The following NPAS3 variants were observed in gnomAD, a reference collection of about 807,000 sequenced individuals.
NPAS3 encodes neuronal PAS domain protein 3.
Under a neutral mutation model 73.1 loss-of-function variants are expected in NPAS3, and 14 were observed. That is an observed-to-expected ratio of 0.19 (90% CI 0.13 to 0.30). NPAS3 has a LOEUF of 0.30. Ranked by LOEUF, NPAS3 falls within the 10% of genes least tolerant of loss-of-function variation. The pLI, the probability that NPAS3 is intolerant of heterozygous loss-of-function variation, is 1.00. For missense variants in NPAS3, 1,096 were observed against 1,250.0 expected (o/e 0.88, Z 1.86); for synonymous variants, 620 against 541.5 (o/e 1.14, Z -2.01).
Position 33,011,377 on chromosome 14 carries a change from C to A in NPAS3, c.51-44528C>A, listed in dbSNP as rs115311077. 6.0e-4 allele frequency among the ~76,000 whole-genome samples: 92 copies of A among 152,286 alleles called. 1 individual carries two copies. The highest frequency in any genetic ancestry group is 2.2e-3 in the African/African-American group (91 of 41,558). Reference sequence around the variant, plus strand: ...GAGAGGACATCATCCCATCACAGGGCACATTCACACACCCACACTCACTCA... The same window carrying A: ...GAGAGGACATCATCCCATCACAGGGAACATTCACACACCCACACTCACTCA... On this transcript the variant is annotated intron_variant, in intron 1 of 11. Coordinates refer to ENST00000356141, the Ensembl canonical transcript of NPAS3.
intron 4 of NPAS3, among the ~76,000 whole-genome samples, chr14:33,501,666 G>A (rs10132198): frequency 0.1 from 15,484 of 149,558 alleles, 914 homozygotes; most frequent in African/African-American, 0.16. Context: ...CGGCTCCTGT[G>A]TCTAGATTTC....
At chr14:33,583,159 G>A (rs2056742905) in intron 5 of NPAS3, 1 of 152,002 alleles carries the variant, frequency 6.6e-6, no homozygotes. Context: ...GGGGGTTCTA[G>A]GTTCTAACAT....
intron 5 of NPAS3, among the ~76,000 whole-genome samples, chr14:33,620,834 A>G (rs2058057223): frequency 6.6e-6 from 1 of 152,194 alleles, no homozygotes; most frequent in African/African-American, 2.4e-5. Flanking sequence ...TCAGAGTGTC[A>G]AATATCTAAC....
chr14:33,792,023 T>C (rs2063372610), intron 9 of NPAS3, among the ~76,000 whole-genome samples: 1 of 152,244 alleles, frequency 6.6e-6, no homozygotes, highest in African/African-American at 2.4e-5. Context: ...ATCGTTCCTC[T>C]GTTAATAGTT....
rs369714815 is a variant in NPAS3 at position 33,261,007 on chromosome 14, A to G, written c.385+45581A>G. 1.3e-3 allele frequency among the ~76,000 whole-genome samples: 202 copies of G among 152,330 alleles called. 1 individual carries two copies. Among genetic ancestry groups the G allele is most frequent in the African/African-American group, 4.5e-3 (189 of 41,572 alleles). ...AGTACTGTTTCTCTTTTAAGCATGA[A>G]GAAAACAGTACAGACACCTGTCATC... On this transcript the variant is annotated intron_variant, in intron 3 of 11. Transcript: ENST00000356141.
intron 5 of NPAS3, among the ~76,000 whole-genome samples, chr14:33,561,184 A>T (rs1041533347): frequency 2.1e-4 from 32 of 152,228 alleles, no homozygotes; most frequent in African/African-American, 7.5e-4. Flanking sequence ...TCTCCTTTAA[A>T]GCAGGACCTA....
intron 3 of NPAS3, among the ~76,000 whole-genome samples, chr14:33,302,809 T>C (rs1368560553): frequency 2.0e-5 from 3 of 152,214 alleles, no homozygotes; most frequent in Non-Finnish European, 4.4e-5. Context: ...TTTCACTCTT[T>C]TGTTTCCCAT....
intron 4 of NPAS3, among the ~76,000 whole-genome samples, chr14:33,480,548 C>T (rs1339394956): frequency 1.4e-5 from 1 of 69,522 alleles, no homozygotes; most frequent in Non-Finnish European, 2.5e-5. Flanking sequence ...CCGCCCCCAC[C>T]CTTCCTCCCT....
At chr14:33,575,422 A>G (rs904002757) in intron 5 of NPAS3, among the ~76,000 whole-genome samples, 19 of 152,214 alleles carry the variant, frequency 1.2e-4, no homozygotes, top group African/African-American at 4.6e-4. Flanking sequence ...AATCACCTAT[A>G]AGCAGCCCAT....
intron 1 of NPAS3, among the ~76,000 whole-genome samples, chr14:33,019,344 A>T: frequency 6.6e-6 from 1 of 152,270 alleles, no homozygotes; most frequent in Non-Finnish European, 1.5e-5. Context: ...GAATAAATAA[A>T]TAATGTAAAG....
intron 5 of NPAS3, among the ~76,000 whole-genome samples, chr14:33,608,059 C>T (rs1043211869): frequency 6.6e-6 from 1 of 152,138 alleles, no homozygotes; most frequent in African/African-American, 2.4e-5. Context: ...GGGACACAGC[C>T]AAACCATATC....
At chr14:32,954,064 TA>T (rs2036585336) in intron 1 of NPAS3, among the ~76,000 whole-genome samples, 1 of 152,164 alleles carries the variant, frequency 6.6e-6, no homozygotes, top group Non-Finnish European at 1.5e-5. Flanking sequence ...AGTGGTGGCA[TA>T]GTCCTGTAGT....
intron 4 of NPAS3, among the ~76,000 whole-genome samples, chr14:33,506,107 G>A (rs538802539): frequency 7.2e-5 from 11 of 151,732 alleles, no homozygotes; most frequent in East Asian, 2.0e-4. Context: ...TCCTTACCCC[G>A]CTTTATTTTT....
chr14:33,370,082 A>G (rs1462678690), intron 4 of NPAS3, among the ~76,000 whole-genome samples: 2 of 152,164 alleles, frequency 1.3e-5, no homozygotes, highest in Non-Finnish European at 2.9e-5. Context: ...CTGACAGTTT[A>G]TAGTCATTTA....
chr14:33,297,679 G>A (rs932246290), intron 3 of NPAS3, among the ~76,000 whole-genome samples: 1 of 152,192 alleles, frequency 6.6e-6, no homozygotes. Flanking sequence ...CCTGCTGTCA[G>A]GATCCCTGCT....
intron 2 of NPAS3, among the ~76,000 whole-genome samples, chr14:33,123,862 T>G (rs1426014930): frequency 3.0e-5 from 1 of 33,850 alleles, no homozygotes; most frequent in Non-Finnish European, 6.7e-5. Flanking sequence ...TCTTTCTTTC[T>G]TTTTTTTTTT....
intron 2 of NPAS3, among the ~76,000 whole-genome samples, chr14:33,118,053 G>A (rs1595484628): frequency 6.6e-6 from 1 of 151,928 alleles, no homozygotes; most frequent in East Asian, 1.9e-4. Flanking sequence ...CTCAAGTTTT[G>A]GGGAGCATAT....
rs1201796789 is a variant in NPAS3, at chr14:33,329,050, C to T, written c.386-38136C>T. On this transcript the variant is annotated intron_variant, in intron 3 of 11. Coordinates refer to ENST00000356141, the Ensembl canonical transcript of NPAS3. Reference sequence around the variant, plus strand: ...GGCATTAATTTTACTGCTGTCTGGACATTCCTTATCACTCAGGTAAATGTT... The same window carrying T: ...GGCATTAATTTTACTGCTGTCTGGATATTCCTTATCACTCAGGTAAATGTT... Among the ~76,000 whole-genome samples, 4 of 152,126 alleles carry T rather than the reference C, an allele frequency of 2.6e-5. No individual in the cohort carries two copies. The East Asian group carries it at 7.7e-4, about 29-fold the overall frequency.
At chr14:33,295,750 G>A (rs1164477960) in intron 3 of NPAS3, among the ~76,000 whole-genome samples, 1 of 152,162 alleles carries the variant, frequency 6.6e-6, no homozygotes, top group Non-Finnish European at 1.5e-5. Context: ...AGTTATATCG[G>A]TTCAAACATT....
Sources: gnomAD v4.1 joint callset for allele counts (sites outside exome capture counted in the v4.1 genomes callset) on GRCh38, gnomAD v4.1.1 for gene constraint, MANE v1.5 for transcripts, NCBI Gene and HGNC (gene_info 2026-07-23, HGNC 2026-07-21) for gene names.